Variants in PIK3C2G observed in about 807,000 individuals in gnomAD.
The protein encoded by PIK3C2G is phosphatidylinositol 3-kinase C2 domain-containing subunit gamma.
A neutral mutation model predicts 181.1 loss-of-function variants in PIK3C2G; 168 were observed. The ratio of observed to expected loss-of-function variants is 0.93; its 90% CI spans 0.82 to 1.05. The LOEUF (loss-of-function observed/expected upper bound fraction) is 1.05. Among genes scored for constraint, PIK3C2G ranks in the 50% least tolerant of loss-of-function variants. The pLI, the probability that PIK3C2G is intolerant of heterozygous loss-of-function variation, is 0.00. For synonymous variants in PIK3C2G, 573 were observed against 592.2 expected (o/e 0.97, Z 0.47); for missense variants, 1,869 against 1,732.8 (o/e 1.08, Z -1.40).
chr12:18,480,377 A>G (rs1470641667), intron 18 of PIK3C2G, among the ~76,000 whole-genome samples: 1 of 152,034 alleles, frequency 6.6e-6, no homozygotes, highest in African/African-American at 2.4e-5. Context: ...CTTCTCTTAA[A>G]CCCCATTATT....
chr12:18,345,195 C>T (rs1040310378), intron 10 of PIK3C2G, among the ~76,000 whole-genome samples: 3 of 151,984 alleles, frequency 2.0e-5, no homozygotes, highest in Non-Finnish European at 2.9e-5. Flanking sequence ...TTATAATGCT[C>T]TGCCTCCTGC....
chr12:18,292,210 C>CAAAAAAAAAAAAAAA (rs745371375), intron 4 of PIK3C2G, among the ~76,000 whole-genome samples: 5 of 28,618 alleles, frequency 1.7e-4, no homozygotes, highest in Admixed American at 6.3e-4. Flanking sequence ...AACTCCATCT[C>CAAAAAAAAAAAAAAA]AAAAAAAAAA....
At chr12:18,434,598 T>C (rs531879997) in intron 18 of PIK3C2G, among the ~76,000 whole-genome samples, 1 of 152,078 alleles carries the variant, frequency 6.6e-6, no homozygotes, top group Non-Finnish European at 1.5e-5. Context: ...AGGCCAGAAG[T>C]CAGTAATAAT....
chr12:18,386,333 G>A (rs1300475636), intron 14 of PIK3C2G, among the ~76,000 whole-genome samples: 1 of 152,136 alleles, frequency 6.6e-6, no homozygotes, highest in East Asian at 1.9e-4. Flanking sequence ...TAAAGTGTGC[G>A]ATTCAGTAGT....
At chr12:18,681,390 C>G in the PIK3C2G span, among the ~76,000 whole-genome samples, 3 of 152,152 alleles carry the variant, frequency 2.0e-5, no homozygotes, top group East Asian at 3.9e-4. Flanking sequence ...TGTTTTCTTA[C>G]ATTTACCAAC....
chr12:18,503,529 TTCAATCAGCCCAGTAATTAA>T, intron 23 of PIK3C2G, 112 bp downstream of exon 23: 1 of 664,598 alleles, frequency 1.5e-6, no homozygotes, highest in Non-Finnish European at 2.3e-6. Context: ...TGAGTTCTAA[TTCAATCAGCCCAGTAATTAA>T]TTAATCAGCC....
At chr12:18,332,241 T>A (rs1263471972) in intron 8 of PIK3C2G, among the ~76,000 whole-genome samples, 1 of 152,138 alleles carries the variant, frequency 6.6e-6, no homozygotes, top group African/African-American at 2.4e-5. Context: ...CATCCTCAGC[T>A]TTGACAGCTC....
chr12:18,700,512 C>CAAAAAAAAAAAAA, the PIK3C2G span, among the ~76,000 whole-genome samples: 23 of 67,892 alleles, frequency 3.4e-4, 2 homozygotes, highest in East Asian at 5.4e-4. Context: ...AGCCAACGTA[C>CAAAAAAAAAAAAA]AAAAAAAAAA....
intron 6 of PIK3C2G, among the ~76,000 whole-genome samples, chr12:18,319,567 A>G (rs1275334525): frequency 6.6e-6 from 1 of 152,176 alleles, no homozygotes; most frequent in Non-Finnish European, 1.5e-5. Context: ...TTTCTAGCAA[A>G]AGGTACTATG....
intron 8 of PIK3C2G, among the ~76,000 whole-genome samples, chr12:18,331,330 C>T (rs1374400042): frequency 6.6e-6 from 1 of 152,096 alleles, no homozygotes; most frequent in African/African-American, 2.4e-5. Context: ...TATTTCTTCA[C>T]CTACACAGGT....
At chr12:18,586,248 A>C (rs1946769447) in intron 29 of PIK3C2G, among the ~76,000 whole-genome samples, 1 of 151,908 alleles carries the variant, frequency 6.6e-6, no homozygotes, top group Non-Finnish European at 1.5e-5. Context: ...AAGGAGATCA[A>C]GACACAAAAA....
the PIK3C2G span, among the ~76,000 whole-genome samples, chr12:18,726,337 G>A: frequency 4.6e-5 from 7 of 151,972 alleles, no homozygotes; most frequent in South Asian, 6.2e-4. Context: ...TTTAAAAAAC[G>A]TTCCTTAAGT....
rs752867577 is a variant in PIK3C2G at position 18,562,681 on chromosome 12, C to A, written c.3591-22C>A. 18 of 1,445,574 alleles carry A rather than the reference C, an allele frequency of 1.2e-5. 1 individual carries two copies. In the Admixed American group the frequency reaches 3.2e-4, roughly 26 times the overall value. 89.5% of individuals were successfully genotyped at this position (1,445,574 alleles called of 1,614,324 possible). ...GATGCAGAGGAGTGTCACTCACTAT[C>A]TTTTCTTTTACATTTCTCTAGGAAA... On this transcript the variant is annotated intron_variant, in intron 26 of 32. Transcript: ENST00000538779.
chr12:18,397,408 A>G (rs1285636444), intron 15 of PIK3C2G, among the ~76,000 whole-genome samples: 1 of 152,050 alleles, frequency 6.6e-6, no homozygotes, highest in African/African-American at 2.4e-5. Flanking sequence ...TTATATGGCA[A>G]AATTTTTGTA....
chr12:18,500,258 C>A (rs1318406360), intron 22 of PIK3C2G, among the ~76,000 whole-genome samples: 1 of 152,044 alleles, frequency 6.6e-6, no homozygotes, highest in Non-Finnish European at 1.5e-5. Context: ...CCGGCCCTGC[C>A]GGCCCGGGCA....
chr12:18,253,989 G>T (rs376488658), intron 1 of PIK3C2G, among the ~76,000 whole-genome samples: 3 of 148,206 alleles, frequency 2.0e-5, no homozygotes, highest in African/African-American at 7.4e-5. Context: ...TTCTGAGGCT[G>T]CTCCAAAGAG....
chr12:18,707,873 A>C, the PIK3C2G span, among the ~76,000 whole-genome samples: 2 of 152,152 alleles, frequency 1.3e-5, no homozygotes, highest in Admixed American at 6.6e-5. Flanking sequence ...GGGTGTTTTT[A>C]AATGCATTTT....
intron 31 of PIK3C2G, among the ~76,000 whole-genome samples, chr12:18,609,832 A>G (rs1350358480): frequency 6.6e-6 from 1 of 152,082 alleles, no homozygotes; most frequent in Non-Finnish European, 1.5e-5. Flanking sequence ...TTCACAAGGA[A>G]AGTCCTAGAA....
At chr12:18,671,682 G>A in the PIK3C2G span, among the ~76,000 whole-genome samples, 1 of 152,234 alleles carries the variant, frequency 6.6e-6, no homozygotes. Flanking sequence ...ACAATTTATG[G>A]AAAGGAAAGG....
Sources: gnomAD v4.1 joint callset for allele counts (sites outside exome capture counted in the v4.1 genomes callset) on GRCh38, gnomAD v4.1.1 for gene constraint, MANE v1.5 for transcripts, NCBI Gene and HGNC (gene_info 2026-07-23, HGNC 2026-07-21) for gene names.